The following NKAIN2 variants were observed in gnomAD, a reference collection of about 807,000 sequenced individuals.
NKAIN2 encodes sodium/potassium-transporting ATPase subunit beta-1-interacting protein 2.
NKAIN2 carries 14 observed loss-of-function variants against 32.6 expected under a neutral mutation model. The observed-to-expected ratio is 0.43, with a 90% CI of 0.28 to 0.67. The LOEUF (loss-of-function observed/expected upper bound fraction) is 0.67. Among genes scored for constraint, NKAIN2 ranks in the 30% least tolerant of loss-of-function variants. The probability of loss-of-function intolerance (pLI) is 0.17; values close to 1 mark genes in which losing one functional copy is unlikely to be tolerated. For synonymous variants in NKAIN2, 80 were observed against 87.2 expected, an observed-to-expected ratio of 0.92 and a Z score of 0.46; for missense variants, 198 against 258.3, an observed-to-expected ratio of 0.77 and a Z score of 1.60.
intron 1 of NKAIN2, among the ~76,000 whole-genome samples, chr6:124,138,879 A>G (rs1009032810): frequency 6.6e-6 from 1 of 150,822 alleles, no homozygotes; most frequent in African/African-American, 2.4e-5. Context: ...AGTTATGAGG[A>G]TGCAAAGGCA....
At chr6:124,284,123 G>A (rs1280041314) in intron 2 of NKAIN2, among the ~76,000 whole-genome samples, 31 of 152,176 alleles carry the variant, frequency 2.0e-4, no homozygotes, top group Non-Finnish European at 2.9e-5. Flanking sequence ...CACAGTCCTC[G>A]CCTCCAGGTG....
At chr6:124,687,584 A>ACATGGT (rs1562324953) in intron 4 of NKAIN2, among the ~76,000 whole-genome samples, 7 of 89,886 alleles carry the variant, frequency 7.8e-5, no homozygotes, top group Admixed American at 1.5e-4. Flanking sequence ...ATATATTTAT[A>ACATGGT]ATATAAATAT....
chr6:124,163,579 A>G (rs1788384789), intron 1 of NKAIN2, among the ~76,000 whole-genome samples: 1 of 152,032 alleles, frequency 6.6e-6, no homozygotes, highest in African/African-American at 2.4e-5. Context: ...ATGGTAAGAC[A>G]TTTCATTGGC....
At chr6:124,368,755 T>A (rs1799626268) in intron 3 of NKAIN2, among the ~76,000 whole-genome samples, 1 of 152,182 alleles carries the variant, frequency 6.6e-6, no homozygotes. Flanking sequence ...AACTTCTTAC[T>A]CTGTTCTCTC....
At chr6:124,613,312 A>C (rs9491202) in intron 3 of NKAIN2, among the ~76,000 whole-genome samples, 4 of 152,008 alleles carry the variant, frequency 2.6e-5, no homozygotes, top group Non-Finnish European at 2.9e-5. Context: ...CTTCCTGCTC[A>C]CCAAGCTACC....
chr6:123,817,269 A>AG (rs1773732640), intron 1 of NKAIN2, among the ~76,000 whole-genome samples: 1 of 152,154 alleles, frequency 6.6e-6, no homozygotes, highest in South Asian at 2.1e-4. Context: ...ATTTGTTATG[A>AG]GGAGCTGCAT....
intron 3 of NKAIN2, among the ~76,000 whole-genome samples, chr6:124,434,117 T>G (rs1775338005): frequency 6.6e-6 from 1 of 152,196 alleles, no homozygotes; most frequent in Admixed American, 6.5e-5. Context: ...GCATTTGCTG[T>G]GTTCTCCAGG....
chr6:124,158,208 T>G (rs1273517262), intron 1 of NKAIN2, among the ~76,000 whole-genome samples: 1 of 152,132 alleles, frequency 6.6e-6, no homozygotes, highest in Non-Finnish European at 1.5e-5. Flanking sequence ...GCCTTTTTCC[T>G]TTGTTCTTTC....
chr6:124,519,207 T>C lies in NKAIN2; in HGVS notation c.274-138979T>C, dbSNP rs1583376273. Among the ~76,000 whole-genome samples, 3 of 152,268 alleles carry C rather than the reference T, an allele frequency of 2.0e-5. No individual in the cohort carries two copies. In the South Asian group the frequency reaches 6.2e-4, roughly 32 times the overall value. ...GCAAAGATTGAACAAAACAGGAATA[T>C]GAGAGAAGGGGAACCTGACCAAAAA... On this transcript the variant is annotated intron_variant, in intron 3 of 6. Coordinates refer to ENST00000368417, the MANE Select transcript of NKAIN2 (RefSeq NM_001040214.3).
chr6:124,726,631 A>C (rs999841978), intron 4 of NKAIN2, among the ~76,000 whole-genome samples: 19 of 148,436 alleles, frequency 1.3e-4, no homozygotes, highest in African/African-American at 4.5e-4. Context: ...AAAACTGGAA[A>C]CTCTAAAAAC....
rs906399402 is a variant in NKAIN2 at position 124,116,177 on chromosome 6, C to A, written c.55-166828C>A. Among the ~76,000 whole-genome samples, 10 of 151,984 alleles carry A rather than the reference C, an allele frequency of 6.6e-5. 1 individual carries two copies. The highest frequency in any genetic ancestry group is 2.4e-4 in the African/African-American group (10 of 41,392). ...GCTTCACTGATGCCATGTCTTTTGA[C>A]TATTAGTAACAAAATTAAGTCTACA... On this transcript the variant is annotated intron_variant, in intron 1 of 6. Transcript: ENST00000368417.
intron 3 of NKAIN2, among the ~76,000 whole-genome samples, chr6:124,445,663 T>C (rs1414363891): frequency 2.0e-5 from 3 of 151,824 alleles, no homozygotes; most frequent in African/African-American, 7.3e-5. Flanking sequence ...ATGGCAACAA[T>C]GATATAATAA....
At chr6:124,747,019 T>A (rs1458741609) in intron 4 of NKAIN2, among the ~76,000 whole-genome samples, 1 of 151,950 alleles carries the variant, frequency 6.6e-6, no homozygotes. Context: ...CTAGTAGGTA[T>A]TTTTTTAAAA....
At chr6:124,170,553 C>T (rs1464532156) in intron 1 of NKAIN2, among the ~76,000 whole-genome samples, 2 of 152,120 alleles carry the variant, frequency 1.3e-5, no homozygotes, top group Non-Finnish European at 2.9e-5. Context: ...CATTAGAGAA[C>T]ATTTCTCTGT....
chr6:124,482,836 T>G (rs1338135776), intron 3 of NKAIN2, among the ~76,000 whole-genome samples: 1 of 152,198 alleles, frequency 6.6e-6, no homozygotes, highest in African/African-American at 2.4e-5. Flanking sequence ...TCAACTATAC[T>G]CTATAAGAAA....
intron 3 of NKAIN2, among the ~76,000 whole-genome samples, chr6:124,467,130 A>G (rs1776791797): frequency 6.6e-6 from 1 of 152,060 alleles, no homozygotes; most frequent in African/African-American, 2.4e-5. Context: ...TTATTTTGCT[A>G]GGTTTGGTTA....
At chr6:124,189,937 C>A (rs531498375) in intron 1 of NKAIN2, among the ~76,000 whole-genome samples, 1 of 152,162 alleles carries the variant, frequency 6.6e-6, no homozygotes, top group African/African-American at 2.4e-5. Flanking sequence ...TCTGTATTAT[C>A]TTTTGGAAAT....
At chr6:124,355,182 G>A in intron 2 of NKAIN2, 85 bp from the exon 3 acceptor site, 2 of 784,588 alleles carry the variant, frequency 2.5e-6, no homozygotes, top group South Asian at 3.0e-5. Flanking sequence ...TCTTATATTA[G>A]GGTGTGCGAA....
chr6:124,073,398 A>G (rs542212934), intron 1 of NKAIN2, among the ~76,000 whole-genome samples: 1 of 152,314 alleles, frequency 6.6e-6, no homozygotes, highest in African/African-American at 2.4e-5. Context: ...ATGTCTTATA[A>G]CTTCTGATAA....
Sources: allele counts gnomAD v4.1 joint callset (sites outside exome capture counted in the v4.1 genomes callset), GRCh38; gene constraint gnomAD v4.1.1; transcripts MANE v1.5; gene names NCBI Gene and HGNC (gene_info 2026-07-23, HGNC 2026-07-21).